Variants in PWWP2A observed in about 807,000 individuals in gnomAD.
PWWP2A encodes PWWP domain containing 2A.
In PWWP2A, 18 loss-of-function variants were observed where a neutral mutation model predicts 48.5. The ratio of observed to expected loss-of-function variants is 0.37; its 90% confidence interval spans 0.26 to 0.55. The LOEUF is 0.55. Among genes scored for constraint, PWWP2A ranks in the 20% least tolerant of loss-of-function variants. The probability of loss-of-function intolerance (pLI) is 0.81; values close to 1 mark genes in which losing one functional copy is unlikely to be tolerated. For missense variants in PWWP2A, 867 were observed against 976.4 expected (o/e 0.89, Z 1.49); for synonymous variants, 396 against 387.7 (o/e 1.02, Z -0.25).
intron 1 of PWWP2A, among the ~76,000 whole-genome samples, chr5:160,095,516 C>T (rs191595017): frequency 1.3e-5 from 2 of 152,150 alleles, no homozygotes; most frequent in Admixed American, 1.3e-4. Context: ...ATATCTAACA[C>T]AATACAACTG....
chr5:160,118,421 CCCCCCCGT>C (rs1178169351), intron 1 of PWWP2A, among the ~76,000 whole-genome samples: 5 of 149,396 alleles, frequency 3.3e-5, no homozygotes, highest in African/African-American at 4.9e-5. Context: ...ATGCCCCCCG[CCCCCCCGT>C]CCCCCCGTCC....
intron 1 of PWWP2A, among the ~76,000 whole-genome samples, chr5:160,099,730 C>G (rs1310654001): frequency 1.3e-5 from 2 of 150,498 alleles, no homozygotes; most frequent in African/African-American, 4.9e-5. Context: ...CAGGCTAGAG[C>G]GCAGTGGCCT....
chr5:160,107,599 T>C (rs1374830225), intron 1 of PWWP2A, among the ~76,000 whole-genome samples: 1 of 152,204 alleles, frequency 6.6e-6, no homozygotes, highest in African/African-American at 2.4e-5. Context: ...ATAAACTCTT[T>C]AGTAGTCCCA....
chr5:160,104,727 C>T (rs1756689679), intron 1 of PWWP2A, among the ~76,000 whole-genome samples: 1 of 152,076 alleles, frequency 6.6e-6, no homozygotes, highest in South Asian at 2.1e-4. Context: ...ATTGCCTGAA[C>T]CCAGGAGGCA....
At chr5:160,118,071 T>A (rs1758317567) in intron 1 of PWWP2A, 1 of 155,160 alleles carries the variant, frequency 6.4e-6, no homozygotes, top group Non-Finnish European at 1.4e-5. Flanking sequence ...CTTCTTGTCC[T>A]TAATACATAA....
At chr5:160,102,890 C>T (rs567514799) in intron 1 of PWWP2A, among the ~76,000 whole-genome samples, 1 of 152,120 alleles carries the variant, frequency 6.6e-6, no homozygotes. Context: ...AAATGTAATA[C>T]ATAATCATTT....
At chr5:160,106,351 G>T (rs923619257) in intron 1 of PWWP2A, among the ~76,000 whole-genome samples, 19 of 152,100 alleles carry the variant, frequency 1.2e-4, no homozygotes, top group African/African-American at 4.3e-4. Flanking sequence ...GGGATTAATA[G>T]AATTTACTTC....
intron 1 of PWWP2A, chr5:160,116,799 T>C (rs941244453): frequency 2.4e-5 from 24 of 985,070 alleles, no homozygotes; most frequent in South Asian, 4.7e-5. Context: ...TACTATTATA[T>C]ACATCAGTAG....
chr5:160,064,785 A>G lies in PWWP2A; in HGVS notation c.*237-1112T>C, dbSNP rs1581135121. 3 of 849,424 alleles carry G rather than the reference A, an allele frequency of 3.5e-6. No homozygotes were observed. In the East Asian group the frequency reaches 8.1e-5, roughly 23 times the overall value. The allele number at this position is 849,424 out of a possible 1,614,324, so 52.6% of individuals were successfully genotyped here. ...AATAGGGGCTGGGAACTCTCCTGGA[A>G]GCTTTCATCATATTAAAAGTAGGCA... On this transcript the variant is annotated intron_variant and NMD_transcript_variant, in intron 4 of 5. Coordinates refer to the PWWP2A transcript ENST00000524050.
chr5:160,110,440 C>G (rs2546378), intron 1 of PWWP2A, among the ~76,000 whole-genome samples: 87,438 of 152,026 alleles, frequency 0.58, 25,277 homozygotes, highest in East Asian at 0.62. Flanking sequence ...GACGTGGTGG[C>G]TCAAGCCTGT....
chr5:160,071,392 GCAGATGTAAAC>G (rs1753736215), downstream of PWWP2A, among the ~76,000 whole-genome samples: 1 of 152,152 alleles, frequency 6.6e-6, no homozygotes, highest in Admixed American at 6.5e-5. Flanking sequence ...GCGGCAGGCG[GCAGATGTAAAC>G]CTGTTGGAAG....
Position 160,065,505 on chromosome 5 carries a change from C to G in PWWP2A, c.*236+1043G>C. ...GCTAACGAGGCTGCCTCCAGCATTT[C>G]CTGATTTCCTCTGTGGTAATAAAAG... On this transcript the variant is annotated intron_variant and NMD_transcript_variant, in intron 4 of 5. Coordinates refer to the PWWP2A transcript ENST00000524050. 3 of 427,788 alleles carry G rather than the reference C, an allele frequency of 7.0e-6. No individual in the cohort carries two copies. The East Asian group carries it at 2.1e-4, about 30-fold the overall frequency. 26.5% of individuals were successfully genotyped at this position (427,788 alleles called of 1,614,324 possible). A position where few individuals can be genotyped will look rare whatever the true frequency, so the allele number is the denominator to read the frequency against.
chr5:160,087,466 C>T (rs1440850484), downstream of PWWP2A, among the ~76,000 whole-genome samples: 1 of 151,512 alleles, frequency 6.6e-6, no homozygotes, highest in Admixed American at 6.6e-5. Context: ...ACAGGTTGAT[C>T]AGGAAGGAAT....
chr5:160,097,990 A>G (rs2113569118), intron 1 of PWWP2A, among the ~76,000 whole-genome samples: 1 of 152,304 alleles, frequency 6.6e-6, no homozygotes, highest in Non-Finnish European at 1.5e-5. Context: ...CTGGGATTAC[A>G]GGCGTGAGCC....
At position 160,119,263 on chromosome 5, in the gene PWWP2A, G is replaced by T; in HGVS notation, c.126C>A (p.Val42=). 7.1e-7 allele frequency: 1 copy of T among 1,405,014 alleles called. No individual in the cohort carries two copies. The highest frequency in any genetic ancestry group is 9.2e-7 in the Non-Finnish European group (1 of 1,089,776). 87.0% of individuals were successfully genotyped at this position (1,405,014 alleles called of 1,614,324 possible). A position where few individuals can be genotyped will look rare whatever the true frequency, so the allele number is the denominator to read the frequency against. ...GSEAGTDPLP[V]TATEASVPDG... is the part of the protein sequence containing the mutation. ...CCGGCACAGACGCTTCAGTGGCCGT[G>T]ACCGGGAGGGGGTCAGTGCCGGCCT... Residue 42 remains valine (V), a synonymous_variant, in exon 1 of 2, where the codon GTC becomes GTA. Transcript: ENST00000307063.
In PWWP2A at chr5:160,119,446, T is replaced by G. The variant is rs1758502126; in HGVS notation, c.-58A>C. ...GCTGCAGCGGCGGCGGCGACAGCGC[T>G]GCTTGGTTCCCTGGGCCTTCCCCTC... On this transcript the variant is annotated 5_prime_UTR_variant, in exon 1 of 2. Transcript: ENST00000307063. The G allele has an allele frequency of 7.4e-7, 1 of 1,349,824 alleles. No homozygotes were observed. Among genetic ancestry groups the G allele is most frequent in the African/African-American group, 1.5e-5 (1 of 65,068 alleles). 83.6% of individuals were successfully genotyped at this position (1,349,824 alleles called of 1,614,324 possible).
At chr5:160,113,383 C>T in intron 1 of PWWP2A, 1 of 967,684 alleles carries the variant, frequency 1.0e-6, no homozygotes, top group Non-Finnish European at 1.2e-6. Context: ...ATTACAAAAG[C>T]AGACTCTTAG....
downstream of PWWP2A, among the ~76,000 whole-genome samples, chr5:160,075,240 A>G (rs1753840742): frequency 6.6e-6 from 1 of 152,238 alleles, no homozygotes; most frequent in Admixed American, 6.5e-5. Context: ...GCAGAGCCAG[A>G]TTCCTGTGGT....
At chr5:160,061,707 AT>A (rs1161329092), downstream of PWWP2A, 1 of 152,046 alleles carries the variant, frequency 6.6e-6, no homozygotes, top group Non-Finnish European at 1.5e-5. Context: ...CTAATGTGAA[AT>A]GTTATAAAGG....
Sources: allele counts gnomAD v4.1 joint callset (sites outside exome capture counted in the v4.1 genomes callset), GRCh38; gene constraint gnomAD v4.1.1; transcripts MANE v1.5; gene names NCBI Gene and HGNC (gene_info 2026-07-23, HGNC 2026-07-21).